DEGS2: variants seen among roughly 807,000 people sequenced by gnomAD.
The protein encoded by DEGS2 is sphingolipid delta(4)-desaturase/C4-monooxygenase DES2.
DEGS2 carries 19 observed loss-of-function variants against 23.8 expected under a neutral mutation model. The observed-to-expected ratio is 0.80, with a 90% CI of 0.56 to 1.17. DEGS2 has a LOEUF of 1.17. DEGS2 is among the 50% of genes most tolerant of loss of function. The pLI is 0.00. For synonymous variants in DEGS2, 218 were observed against 213.7 expected (o/e 1.02, Z -0.18); for missense variants, 390 against 459.5 (o/e 0.85, Z 1.38).
the DEGS2 span, among the ~76,000 whole-genome samples, chr14:100,166,262 T>C: frequency 1.5e-4 from 10 of 68,894 alleles, 1 homozygote; most frequent in East Asian, 4.9e-4. Context: ...TCCGGGGGAG[T>C]GGGGGGAGCC....
rs988918754 is a variant in DEGS2 at position 100,149,327 on chromosome 14, G to T, written c.466C>A (p.Pro156Thr). 125 of 1,607,636 alleles carry T rather than the reference G, an allele frequency of 7.8e-5. No individual in the cohort carries two copies. Among genetic ancestry groups the T allele is most frequent in the Non-Finnish European group, 1.0e-4 (118 of 1,175,778 alleles). ...TRLEGWFFCT[P>T]ARKLLWLVLQ... is the part of the protein sequence containing the mutation. ...ACCAGCCAGAGCAGCTTGCGGGCGG[G>T]TGTGCAGAAGAACCAGCCCTCCAGA... Residue 156 changes from proline (P) to threonine (T), a missense_variant, in exon 2 of 3, where the codon CCC becomes ACC. By Grantham distance (38) the Pro-to-Thr change is conservative (BLOSUM62 -1). Coordinates refer to ENST00000305631, the MANE Select transcript of DEGS2 (RefSeq NM_206918.3).
At chr14:100,158,493 C>G (rs991089139) in intron 1 of DEGS2, among the ~76,000 whole-genome samples, 1 of 151,520 alleles carries the variant, frequency 6.6e-6, no homozygotes, top group Non-Finnish European at 1.5e-5. Context: ...ACCTGGGAGG[C>G]GGGGGTCGCA....
chr14:100,156,980 A>C (rs773213989), intron 1 of DEGS2, among the ~76,000 whole-genome samples: 23 of 152,324 alleles, frequency 1.5e-4, no homozygotes, highest in South Asian at 1.5e-3. Flanking sequence ...GTGCTCCCCA[A>C]GCCCTGGCCC....
At chr14:100,156,741 G>A (rs1311952699) in intron 1 of DEGS2, among the ~76,000 whole-genome samples, 2 of 152,232 alleles carry the variant, frequency 1.3e-5, no homozygotes, top group African/African-American at 4.8e-5. Context: ...CAGTGGAGGG[G>A]CTTTCTGCAG....
chr14:100,150,387 A>ACCCCCCCCCC (rs778863717), intron 1 of DEGS2, among the ~76,000 whole-genome samples: 45 of 92,294 alleles, frequency 4.9e-4, no homozygotes, highest in African/African-American at 9.7e-4. Context: ...CCACCCCAAC[A>ACCCCCCCCCC]CCCCCCCCCG....
Position 100,143,958 on chromosome 14 carries a change from C to T in DEGS2, c.*2803G>A, listed in dbSNP as rs369575702. The T allele has an allele frequency of 3.1e-5, 17 of 551,720 alleles. No individual in the cohort carries two copies. Among genetic ancestry groups the T allele is most frequent in the South Asian group, 1.3e-4 (5 of 38,164 alleles). 34.2% of individuals were successfully genotyped at this position (551,720 alleles called of 1,614,324 possible). On this transcript the variant is annotated 3_prime_UTR_variant, in exon 3 of 3. Coordinates refer to ENST00000305631, the MANE Select transcript of DEGS2 (RefSeq NM_206918.3). ...CCTGACACGGAACACCAGGTCTGCT[C>T]GTCTTTTTTGTGTTTTATATTTGCT...
chr14:100,163,833 C>G (rs1889776509), upstream of DEGS2, among the ~76,000 whole-genome samples: 1 of 152,190 alleles, frequency 6.6e-6, no homozygotes, highest in South Asian at 2.1e-4. Context: ...GATCCTCCTA[C>G]CTCAGCCTCC....
upstream of DEGS2, chr14:100,159,662 A>C: frequency 1.1e-6 from 1 of 886,324 alleles, no homozygotes; most frequent in Non-Finnish European, 1.5e-6. Context: ...CGCGGCGCGG[A>C]ACCAGCTCTG....
chr14:100,166,006 G>A, the DEGS2 span, among the ~76,000 whole-genome samples: 10 of 43,880 alleles, frequency 2.3e-4, no homozygotes, highest in East Asian at 9.0e-4. Context: ...CTGCCCGGGA[G>A]AGTGGGGGGA....
At chr14:100,165,779 C>A in the DEGS2 span, among the ~76,000 whole-genome samples, 1 of 150,964 alleles carries the variant, frequency 6.6e-6, no homozygotes. Context: ...TTTGGGGGTG[C>A]CCCGCAGGCG....
chr14:100,147,569 A>G (rs1388671354), intron 2 of DEGS2, among the ~76,000 whole-genome samples: 1 of 151,100 alleles, frequency 6.6e-6, no homozygotes, highest in African/African-American at 2.4e-5. Context: ...TCCCAGCTTC[A>G]GCGCCCGCAA....
At chr14:100,164,975 T>C in the DEGS2 span, among the ~76,000 whole-genome samples, 17,847 of 152,188 alleles carry the variant, frequency 0.12, 1,326 homozygotes, top group African/African-American at 0.21. Flanking sequence ...TACACTGCAA[T>C]GGTGGGTGGT....
chr14:100,147,661 C>A (rs1331922568), intron 2 of DEGS2, among the ~76,000 whole-genome samples: 1 of 140,006 alleles, frequency 7.1e-6, no homozygotes, highest in African/African-American at 2.6e-5. Flanking sequence ...CCTCCCTGCC[C>A]CCCCCCCCCA....
intron 2 of DEGS2, among the ~76,000 whole-genome samples, chr14:100,147,667 C>G (rs1204584216): frequency 2.0e-5 from 3 of 147,480 alleles, no homozygotes; most frequent in Non-Finnish European, 4.6e-5. Flanking sequence ...TGCCCCCCCC[C>G]CCCAGGATGC....
At chr14:100,161,246 G>A (rs191977303), upstream of DEGS2, among the ~76,000 whole-genome samples, 22 of 152,336 alleles carry the variant, frequency 1.4e-4, 1 homozygote, top group Non-Finnish European at 2.9e-4. Flanking sequence ...AAGCCTGCCA[G>A]TTCCCTCTGC....
At chr14:100,153,283 ATAGATAG>A (rs1222966534) in intron 1 of DEGS2, among the ~76,000 whole-genome samples, 1 of 149,450 alleles carries the variant, frequency 6.7e-6, no homozygotes. Context: ...AGATAGATAG[ATAGATAG>A]ATAGATAGAT....
At chr14:100,151,251 A>G (rs968591902) in intron 1 of DEGS2, among the ~76,000 whole-genome samples, 1 of 152,178 alleles carries the variant, frequency 6.6e-6, no homozygotes, top group Non-Finnish European at 1.5e-5. Flanking sequence ...AGCTGGTACT[A>G]TTGTCATTAA....
chr14:100,159,021 T>A (rs994334898), intron 1 of DEGS2, among the ~76,000 whole-genome samples: 1 of 152,228 alleles, frequency 6.6e-6, no homozygotes, highest in Non-Finnish European at 1.5e-5. Context: ...TTCCCGGCGC[T>A]CATCCGCCCT....
At chr14:100,162,868 C>G (rs1228058802), upstream of DEGS2, among the ~76,000 whole-genome samples, 9 of 152,290 alleles carry the variant, frequency 5.9e-5, 1 homozygote, top group South Asian at 1.9e-3. Context: ...ATTAGCTGCC[C>G]CATGCAAAAA....
Sources: allele counts gnomAD v4.1 joint callset (sites outside exome capture counted in the v4.1 genomes callset), GRCh38; gene constraint gnomAD v4.1.1; transcripts MANE v1.5; gene names NCBI Gene and HGNC (gene_info 2026-07-23, HGNC 2026-07-21).